The following LLGL1 variants were observed in gnomAD, a reference collection of about 807,000 sequenced individuals.
LLGL1 encodes the protein lethal(2) giant larvae protein homolog 1.
Under a neutral mutation model 110.6 loss-of-function variants are expected in LLGL1, and 58 were observed. The observed-to-expected ratio is 0.52, with a 90% confidence interval of 0.42 to 0.65. The LOEUF (loss-of-function observed/expected upper bound fraction) is 0.65, where lower values mean the gene tolerates loss of function less well. Among genes scored for constraint, LLGL1 ranks in the 30% least tolerant of loss-of-function variants. The pLI, the probability that LLGL1 is intolerant of heterozygous loss-of-function variation, is 0.00. For synonymous variants in LLGL1, 674 were observed against 607.2 expected (o/e 1.11, Z -1.62); for missense variants, 1,229 against 1,462.1 (o/e 0.84, Z 2.60).
chr17:18,240,902 T>G lies in LLGL1; in HGVS notation c.2502+29T>G, dbSNP rs1462211473. The G allele has an allele frequency of 6.7e-7, 1 of 1,487,736 alleles. No individual in the cohort carries two copies. Among genetic ancestry groups the G allele is most frequent in the Non-Finnish European group, 9.0e-7 (1 of 1,109,422 alleles). The allele number at this position is 1,487,736 out of a possible 1,614,324, so 92.2% of individuals were successfully genotyped here. A position where few individuals can be genotyped will look rare whatever the true frequency, so the allele number is the denominator to read the frequency against. On this transcript the variant is annotated intron_variant, in intron 17 of 22. Coordinates refer to ENST00000316843, the MANE Select transcript of LLGL1 (RefSeq NM_004140.4). The surrounding 1 kb of genome is among the most constrained non-coding windows in gnomAD (Gnocchi z 5.3). The stretch of plus-strand genomic sequence containing the variant: ...AGCCACTGTGGGCTGTGGGGGACTC[T>G]GGGGGACTCCCCTCCAGGCCCCAAC...
At position 18,240,700 on chromosome 17, in the gene LLGL1, G is replaced by A. The variant is rs200044915; in HGVS notation, c.2329G>A (p.Val777Met). The part of the protein sequence containing the change: ...EKRPEQAVEA[V>M]LGKEVQLMHR... ...GCGGCCTGAGCAAGCGGTGGAGGCC[G>A]TGCTGGGCAAGGAGGTGCAGCTGAT... is the stretch of plus-strand genomic sequence containing the variant. Residue 777 changes from valine to methionine, a missense_variant, in exon 17 of 23, where the codon GTG becomes ATG. Transcript: ENST00000316843. The surrounding 1 kb of genome is among the most constrained non-coding windows in gnomAD (Gnocchi z 5.3). 7 of 1,612,924 alleles carry A rather than the reference G, an allele frequency of 4.3e-6. No individual in the cohort carries two copies. The highest frequency in any genetic ancestry group is 5.9e-6 in the Non-Finnish European group (7 of 1,179,834).
At chr17:18,242,946 C>G in intron 22 of LLGL1, 124 bp downstream of exon 22, 1 of 905,122 alleles carries the variant, frequency 1.1e-6, no homozygotes, top group South Asian at 1.8e-5. Flanking sequence ...ATGGCACTCT[C>G]TGAAACCTGG....
At chr17:18,230,174 C>A in intron 2 of LLGL1, 136 bp downstream of exon 2, 1 of 623,620 alleles carries the variant, frequency 1.6e-6, no homozygotes, top group Non-Finnish European at 2.7e-6. Flanking sequence ...GTAGTGGGGG[C>A]TTCTGCGGAG....
intron 11 of LLGL1, 28 bp downstream of exon 11, chr17:18,235,565 T>C: frequency 6.2e-7 from 1 of 1,605,656 alleles, no homozygotes. Context: ...TGTGGGTGAG[T>C]GGGCCCCTTG....
chr17:18,233,771 C>T lies in LLGL1; in HGVS notation c.393-7C>T. 6.2e-7 allele frequency: 1 copy of T among 1,610,620 alleles called. No individual in the cohort carries two copies. Among genetic ancestry groups the T allele is most frequent in the Non-Finnish European group, 8.5e-7 (1 of 1,177,642 alleles). ...TACCCTCACTCCCTTCCCCTTGTTC[C>T]CTGCAGTGCTCCGCTCAGCCTTACC... is the stretch of plus-strand genomic sequence containing the variant. On this transcript the variant is annotated splice_region_variant and splice_polypyrimidine_tract_variant and intron_variant, in intron 4 of 22. Transcript: ENST00000316843.
In LLGL1 at chr17:18,225,720, C is replaced by A. The variant is rs1443526113; in HGVS notation, c.38C>A (p.Pro13Gln). ...KFRFRRQGAD[P>Q]QREKLKQELF... Reference sequence around the variant, plus strand: ...CGGTTCCGGCGGCAGGGCGCCGACCCGCAGCGCGAGAAGCTCAAGCAGGAG... The same window carrying A: ...CGGTTCCGGCGGCAGGGCGCCGACCAGCAGCGCGAGAAGCTCAAGCAGGAG... Residue 13 changes from proline to glutamine, a missense_variant, in exon 1 of 23, where the codon CCG becomes CAG. Pro to Gln is a moderately conservative substitution (Grantham distance 76, BLOSUM62 -1). Transcript: ENST00000316843. 2.1e-5 allele frequency: 22 copies of A among 1,054,844 alleles called. No homozygotes were observed. Among genetic ancestry groups the A allele is most frequent in the Non-Finnish European group, 2.5e-5 (22 of 863,880 alleles). 65.3% of individuals were successfully genotyped at this position (1,054,844 alleles called of 1,614,324 possible). A position where few individuals can be genotyped will look rare whatever the true frequency, so the allele number is the denominator to read the frequency against.
At position 18,228,677 on chromosome 17, in the gene LLGL1, C is replaced by T. The variant is rs546396740; in HGVS notation, c.82-1264C>T. Among the ~76,000 whole-genome samples, 6 of 152,238 alleles carry T rather than the reference C, an allele frequency of 3.9e-5. No individual in the cohort carries two copies. In the South Asian group the frequency reaches 8.3e-4, roughly 21 times the overall value. ...TGTGGGGATTTGCGATGCAGTGTCC[C>T]GTCTCTGGACCCTGGTTGTAGCGAG... On this transcript the variant is annotated intron_variant, in intron 1 of 22. Transcript: ENST00000316843.
chr17:18,226,220 GTC>G (rs1474224141), intron 1 of LLGL1, among the ~76,000 whole-genome samples: 1 of 151,870 alleles, frequency 6.6e-6, no homozygotes, highest in African/African-American at 2.4e-5. Flanking sequence ...CTGCCTGTGC[GTC>G]TCTGAGTCTT....
Position 18,237,758 on chromosome 17 carries a change from G to T in LLGL1, c.1889G>T (p.Ser630Ile). 6.2e-7 allele frequency: 1 copy of T among 1,607,596 alleles called. No homozygotes were observed. The highest frequency in any genetic ancestry group is 8.5e-7 in the Non-Finnish European group (1 of 1,176,318). Residue 630 changes from serine to isoleucine, a missense_variant, in exon 14 of 23, where the codon AGC becomes ATC. Coordinates refer to ENST00000316843, the MANE Select transcript of LLGL1 (RefSeq NM_004140.4). ...GFGLFDYQRK[S>I]PVLARCTLHP... ...GGCCTCTTCGACTACCAGCGCAAGA[G>T]CCCTGTGCTGGCCAGGTGTGTGGGG...
intron 15 of LLGL1, 92 bp downstream of exon 15, chr17:18,238,306 T>C (rs2142670037): frequency 6.3e-7 from 1 of 1,585,482 alleles, no homozygotes; most frequent in East Asian, 2.2e-5. Context: ...CTTAGCTCAG[T>C]GCTCCTCCCT....
At position 18,238,786 on chromosome 17, in the gene LLGL1, G is replaced by A. The variant is rs565154480; in HGVS notation, c.2206+177G>A. Reference sequence around the variant, plus strand: ...AGCACTTTGGGAGGCCGAGGTGGGCGGATCACCTGAGGTCAGGAGTTTGAG... The same window carrying A: ...AGCACTTTGGGAGGCCGAGGTGGGCAGATCACCTGAGGTCAGGAGTTTGAG... On this transcript the variant is annotated intron_variant, in intron 16 of 22. Coordinates refer to ENST00000316843, the MANE Select transcript of LLGL1 (RefSeq NM_004140.4). Among the ~76,000 whole-genome samples, 203 of 152,188 alleles carry A rather than the reference G, an allele frequency of 1.3e-3. 2 individuals carry two copies. The highest frequency in any genetic ancestry group is 4.7e-3 in the African/African-American group (195 of 41,526).
Position 18,236,676 on chromosome 17 carries a change from C to T in LLGL1, c.1422C>T (p.Ser474=). 2 of 1,612,852 alleles carry T rather than the reference C, an allele frequency of 1.2e-6. No individual in the cohort carries two copies. The highest frequency in any genetic ancestry group is 1.7e-6 in the Non-Finnish European group (2 of 1,179,984). Residue 474 remains serine (S), a synonymous_variant, in exon 12 of 23, where the codon AGC becomes AGT. Coordinates refer to ENST00000316843, the MANE Select transcript of LLGL1 (RefSeq NM_004140.4). The stretch of plus-strand genomic sequence containing the variant: ...CGCTGCGGCCGCTCTATAAGCTGAG[C>T]ACAGCTGGCCTCTTCCAGACAGACT... The part of the protein sequence containing the change: ...GVALRPLYKL[S]TAGLFQTDCE...
intron 19 of LLGL1, 80 bp from the exon 20 acceptor site, chr17:18,242,086 C>T: frequency 6.5e-7 from 1 of 1,537,298 alleles, no homozygotes; most frequent in African/African-American, 1.4e-5. Flanking sequence ...TCCCTGGGCT[C>T]AGGAGTGGGA....
rs776456605 is a variant in LLGL1 at position 18,240,690 on chromosome 17, G to A, written c.2319G>A (p.Ala773=). The A allele has an allele frequency of 1.3e-5, 21 of 1,612,974 alleles. No individual in the cohort carries two copies. The Admixed American group carries it at 1.7e-4, about 13-fold the overall frequency. Reference sequence around the variant, plus strand: ...GTGGTGAGAAGCGGCCTGAGCAAGCGGTGGAGGCCGTGCTGGGCAAGGAGG... The same window carrying A: ...GTGGTGAGAAGCGGCCTGAGCAAGCAGTGGAGGCCGTGCTGGGCAAGGAGG... The part of the protein sequence containing the change: ...AVGGEKRPEQ[A]VEAVLGKEVQ... The change falls in exon 17 of 23, where the codon GCG becomes GCA. Residue 773 remains alanine, a synonymous_variant. Coordinates refer to ENST00000316843, the MANE Select transcript of LLGL1 (RefSeq NM_004140.4). This position sits in a 1 kb window ranked among gnomAD's most constrained non-coding sequence, Gnocchi z 5.3.
chr17:18,235,194 C>T lies in LLGL1; in HGVS notation c.1166C>T (p.Pro389Leu), dbSNP rs557754934. ...WPAVPAPYLA[P>L]LHSSAITCSA... ...GCTGTGCCTGCCCCATACCTGGCCC[C>T]GCTGCACTCCTCTGCAATCACTTGC... The change falls in exon 10 of 23, where the codon CCG becomes CTG. Residue 389 changes from proline to leucine, a missense_variant. By Grantham distance (98) the Pro-to-Leu change is moderately conservative. Coordinates refer to ENST00000316843, the MANE Select transcript of LLGL1 (RefSeq NM_004140.4). 8.7e-6 allele frequency: 14 copies of T among 1,612,194 alleles called. No individual in the cohort carries two copies. Among genetic ancestry groups the T allele is most frequent in the East Asian group, 4.5e-5 (2 of 44,878 alleles).
chr17:18,234,633 C>A lies in LLGL1; in HGVS notation c.851-16C>A. The A allele has an allele frequency of 6.2e-7, 1 of 1,614,070 alleles. No individual in the cohort carries two copies. The highest frequency in any genetic ancestry group is 8.5e-7 in the Non-Finnish European group (1 of 1,179,912). On this transcript the variant is annotated splice_polypyrimidine_tract_variant and intron_variant, in intron 7 of 22. Transcript: ENST00000316843. ...AACCACCAGTGAGTCTGGTCTGACG[C>A]TGTCCCACCCCTCAGGCCCCTTTCC...
At chr17:18,234,470 C>T in intron 7 of LLGL1, 62 bp downstream of exon 7, 1 of 1,594,230 alleles carries the variant, frequency 6.3e-7, no homozygotes, top group East Asian at 2.3e-5. Flanking sequence ...CTGAGCCAAG[C>T]CAAACTGGCT....
Position 18,232,777 on chromosome 17 carries a change from A to G in LLGL1, c.367A>G (p.Ser123Gly). ...LEEALSFQLPSRPGFDGASAP... is the reference protein window; with the variant it reads ...LEEALSFQLPGRPGFDGASAP... Reference sequence around the variant, plus strand: ...AGAAGCACTCAGTTTCCAGCTGCCCAGCCGGCCCGGCTTTGATGGTGCCAG... The same window carrying G: ...AGAAGCACTCAGTTTCCAGCTGCCCGGCCGGCCCGGCTTTGATGGTGCCAG... The change falls in exon 4 of 23, where the codon AGC becomes GGC. Residue 123 changes from serine to glycine, a missense_variant. Physicochemically the swap from Ser to Gly is moderately conservative, Grantham distance 56. Transcript: ENST00000316843. 1.2e-6 allele frequency: 2 copies of G among 1,614,014 alleles called. No individual in the cohort carries two copies. The highest frequency in any genetic ancestry group is 1.7e-6 in the Non-Finnish European group (2 of 1,180,014).
chr17:18,235,386 A>C, intron 10 of LLGL1, 74 bp downstream of exon 10: 1 of 1,605,202 alleles, frequency 6.2e-7, no homozygotes. Flanking sequence ...CTAAGCCCGG[A>C]GGTCAGAATG....
Sources: allele counts gnomAD v4.1 joint callset (sites outside exome capture counted in the v4.1 genomes callset), GRCh38; gene constraint gnomAD v4.1.1; non-coding constraint Gnocchi (gnomAD v3.1); transcripts MANE v1.5; gene names NCBI Gene and HGNC (gene_info 2026-07-23, HGNC 2026-07-21).